STAG1: variants seen among roughly 807,000 people sequenced by gnomAD.
STAG1 encodes cohesin subunit SA-1.
In STAG1, 26 loss-of-function variants were observed where a neutral mutation model predicts 170.9. The observed-to-expected ratio is 0.15, with a 90% CI of 0.11 to 0.21. The LOEUF (loss-of-function observed/expected upper bound fraction) is 0.21. STAG1 is among the 10% of genes least tolerant of loss of function. The probability of loss-of-function intolerance (pLI) is 1.00; values close to 1 mark genes in which losing one functional copy is unlikely to be tolerated. For synonymous variants in STAG1, 514 were observed against 497.7 expected (o/e 1.03, Z -0.44); for missense variants, 964 against 1,509.5 (o/e 0.64, Z 5.99).
intron 1 of STAG1, among the ~76,000 whole-genome samples, chr3:136,678,126 A>G (rs2107883444): frequency 6.6e-6 from 1 of 150,948 alleles, no homozygotes; most frequent in South Asian, 2.1e-4. Flanking sequence ...CCCCCATATT[A>G]ATTTATTAAT....
intron 4 of STAG1, among the ~76,000 whole-genome samples, chr3:136,591,055 T>C (rs528541686): frequency 1.6e-4 from 25 of 151,608 alleles, no homozygotes; most frequent in African/African-American, 5.8e-4. Context: ...GCTTTCCCCA[T>C]ATTTTATTAT....
At chr3:136,550,576 G>A (rs1936341761) in intron 5 of STAG1, among the ~76,000 whole-genome samples, 1 of 152,042 alleles carries the variant, frequency 6.6e-6, no homozygotes, top group Non-Finnish European at 1.5e-5. Flanking sequence ...CAAATTGCTG[G>A]AATTACAGGC....
At chr3:136,453,151 CATT>C (rs917263844) in intron 13 of STAG1, among the ~76,000 whole-genome samples, 8 of 151,942 alleles carry the variant, frequency 5.3e-5, no homozygotes, top group African/African-American at 1.5e-4. Context: ...TATCTGGAAA[CATT>C]ATCTATGAAC....
intron 3 of STAG1, among the ~76,000 whole-genome samples, chr3:136,621,064 G>A (rs1939826793): frequency 6.6e-6 from 1 of 151,916 alleles, no homozygotes; most frequent in African/African-American, 2.4e-5. Context: ...GGAGGCACGG[G>A]TTGCAGTGAG....
chr3:136,620,710 T>C (rs192201636), intron 3 of STAG1, among the ~76,000 whole-genome samples: 39 of 152,356 alleles, frequency 2.6e-4, no homozygotes, highest in African/African-American at 9.4e-4. Flanking sequence ...CAGACAGCCA[T>C]GTGAACTAAT....
chr3:136,454,657 G>A (rs565262590), intron 13 of STAG1, among the ~76,000 whole-genome samples: 1 of 152,294 alleles, frequency 6.6e-6, no homozygotes, highest in East Asian at 1.9e-4. Flanking sequence ...TGGGATTATG[G>A]GGATGAGCCA....
intron 4 of STAG1, among the ~76,000 whole-genome samples, chr3:136,581,893 C>T (rs917636997): frequency 2.0e-5 from 3 of 151,984 alleles, no homozygotes; most frequent in Admixed American, 6.6e-5. Flanking sequence ...AAGCCTAAAC[C>T]AAACACCAAA....
intron 7 of STAG1, among the ~76,000 whole-genome samples, chr3:136,515,139 C>T (rs1401586913): frequency 6.6e-6 from 1 of 152,004 alleles, no homozygotes; most frequent in Non-Finnish European, 1.5e-5. Context: ...CCAAGGTGGG[C>T]GGACTGCCCG....
intron 9 of STAG1, among the ~76,000 whole-genome samples, chr3:136,487,341 G>A (rs2090038467): frequency 6.6e-6 from 1 of 152,174 alleles, no homozygotes; most frequent in Admixed American, 6.5e-5. Context: ...GGTATTCCAT[G>A]GAGTGTATGT....
At chr3:136,369,016 G>C (rs770851795) in intron 24 of STAG1, 92 bp downstream of exon 24, 2 of 1,222,336 alleles carry the variant, frequency 1.6e-6, no homozygotes, top group African/African-American at 3.2e-5. Context: ...AAGAAATCTC[G>C]ATAATTTTTA....
chr3:136,475,701 T>A (rs1461317200), intron 10 of STAG1, among the ~76,000 whole-genome samples: 1 of 152,164 alleles, frequency 6.6e-6, no homozygotes, highest in African/African-American at 2.4e-5. Context: ...TCACTTTTAG[T>A]TGAAAGTGGA....
intron 9 of STAG1, among the ~76,000 whole-genome samples, chr3:136,491,951 C>A (rs1301373723): frequency 6.6e-6 from 1 of 152,176 alleles, no homozygotes; most frequent in East Asian, 1.9e-4. Flanking sequence ...CAAGATCACG[C>A]TGCTGCACTC....
intron 1 of STAG1, among the ~76,000 whole-genome samples, chr3:136,731,493 C>T (rs909329540): frequency 6.6e-6 from 1 of 152,188 alleles, no homozygotes; most frequent in African/African-American, 2.4e-5. Context: ...ATGGCAGCCC[C>T]GGCACTGTGT....
At chr3:136,602,568 A>G (rs1938724099) in intron 4 of STAG1, among the ~76,000 whole-genome samples, 6 of 152,086 alleles carry the variant, frequency 3.9e-5, no homozygotes, top group Admixed American at 3.9e-4. Context: ...AAGTATAATG[A>G]GGCCGGGCAT....
In STAG1 at chr3:136,508,882, G is replaced by A. The variant is rs546955329; in HGVS notation, c.677-6103C>T. 5.3e-5 allele frequency among the ~76,000 whole-genome samples: 8 copies of A among 152,222 alleles called. No individual in the cohort carries two copies. In the East Asian group the frequency reaches 1.4e-3, roughly 26 times the overall value. ...CGTGTGTGTGTGTCTGTGTGCGCGC[G>A]TGCGCGAGAGAGAGAGAGAGAGAGA... is the stretch of plus-strand genomic sequence containing the variant. On this transcript the variant is annotated intron_variant, in intron 7 of 33. Transcript: ENST00000383202.
chr3:136,338,229 C>T lies in STAG1; in HGVS notation c.*25G>A. ...CCTCTAGCTCTAAATAATAGAGTTCCAGATTTGTAAATTTTCTTCAGACTT... is the reference window on the plus strand; with the variant it reads ...CCTCTAGCTCTAAATAATAGAGTTCTAGATTTGTAAATTTTCTTCAGACTT... On this transcript the variant is annotated 3_prime_UTR_variant, in exon 34 of 34. Transcript: ENST00000383202. 3 of 1,564,548 alleles carry T rather than the reference C, an allele frequency of 1.9e-6. No homozygotes were observed. Among genetic ancestry groups the T allele is most frequent in the Non-Finnish European group, 2.6e-6 (3 of 1,137,708 alleles).
rs1303111559 is a variant in STAG1, at chr3:136,752,303, T to A, written c.-192A>T. 2 of 152,358 alleles carry A rather than the reference T, an allele frequency of 1.3e-5. No homozygotes were observed. Among genetic ancestry groups the A allele is most frequent in the African/African-American group, 4.8e-5 (2 of 41,290 alleles). 9.4% of individuals were successfully genotyped at this position (152,358 alleles called of 1,614,324 possible). A position where few individuals can be genotyped will look rare whatever the true frequency, so the allele number is the denominator to read the frequency against. ...GTTGTTACGGGGTGGTCGCCGGGGG[T>A]TCGGGAGCGGGGGCCGCGCCTTCAA... On this transcript the variant is annotated 5_prime_UTR_variant, in exon 1 of 34. Coordinates refer to ENST00000383202, the MANE Select transcript of STAG1 (RefSeq NM_005862.3).
At chr3:136,542,669 TA>T (rs55825292) in intron 5 of STAG1, among the ~76,000 whole-genome samples, 51,763 of 113,138 alleles carry the variant, frequency 0.46, 9,994 homozygotes, top group East Asian at 0.76. Context: ...CTGTTTGTAA[TA>T]AAAAAAAAAA....
chr3:136,696,522 A>T (rs1011940966), intron 1 of STAG1, among the ~76,000 whole-genome samples: 2 of 152,108 alleles, frequency 1.3e-5, no homozygotes, highest in African/African-American at 4.8e-5. Context: ...ATACTAATGT[A>T]AACTATGAAC....
Sources: allele counts gnomAD v4.1 joint callset (sites outside exome capture counted in the v4.1 genomes callset), GRCh38; gene constraint gnomAD v4.1.1; transcripts MANE v1.5; gene names NCBI Gene and HGNC (gene_info 2026-07-23, HGNC 2026-07-21).